Variants in TTYH2 observed in about 807,000 individuals in gnomAD.
TTYH2 encodes protein tweety homolog 2.
A neutral mutation model predicts 68.3 loss-of-function variants in TTYH2; 49 were observed. The observed-to-expected ratio is 0.72, with a 90% CI of 0.57 to 0.91. The LOEUF is 0.91. TTYH2 is among the 40% of genes least tolerant of loss of function. The probability of loss-of-function intolerance (pLI) is 0.00; values close to 1 mark genes in which losing one functional copy is unlikely to be tolerated. For synonymous variants in TTYH2, 272 were observed against 300.8 expected, an observed-to-expected ratio of 0.90 and a Z score of 0.99; for missense variants, 631 against 700.4, an observed-to-expected ratio of 0.90 and a Z score of 1.12.
chr17:74,260,299 C>T lies in TTYH2; in HGVS notation c.*90C>T, dbSNP rs1006354679. 1.1e-5 allele frequency: 15 copies of T among 1,378,024 alleles called. No individual in the cohort carries two copies. In the African/African-American group the frequency reaches 2.0e-4, roughly 18 times the overall value. 85.4% of individuals were successfully genotyped at this position (1,378,024 alleles called of 1,614,324 possible). Reference sequence around the variant, plus strand: ...GCGTTTCTTTAATAGAAACCAAAGGCATCTGGAGCCCGAGAGGCCTCCTGC... The same window carrying T: ...GCGTTTCTTTAATAGAAACCAAAGGTATCTGGAGCCCGAGAGGCCTCCTGC... On this transcript the variant is annotated 3_prime_UTR_variant, in exon 14 of 14. Coordinates refer to ENST00000269346, the MANE Select transcript of TTYH2 (RefSeq NM_032646.6).
chr17:74,218,352 A>C (rs943293514), intron 1 of TTYH2, among the ~76,000 whole-genome samples: 1 of 150,574 alleles, frequency 6.6e-6, no homozygotes, highest in Non-Finnish European at 1.5e-5. Context: ...GGTTCCCAGG[A>C]GGGTTTGGGA....
chr17:74,222,414 A>G lies in TTYH2; in HGVS notation c.130-71A>G. The G allele has an allele frequency of 6.7e-7, 1 of 1,498,970 alleles. No individual in the cohort carries two copies. The highest frequency in any genetic ancestry group is 8.9e-7 in the Non-Finnish European group (1 of 1,120,450). 92.9% of individuals were successfully genotyped at this position (1,498,970 alleles called of 1,614,324 possible). On this transcript the variant is annotated intron_variant, in intron 1 of 13. Transcript: ENST00000269346. This position sits in a 1 kb window ranked among gnomAD's most constrained non-coding sequence, Gnocchi z 5.2. Reference sequence around the variant, plus strand: ...TCAGGCAGTGGGGCACTCAGGGCCCAAGGGCAGGGCACTTCCAGAGCCCCG... The same window carrying G: ...TCAGGCAGTGGGGCACTCAGGGCCCGAGGGCAGGGCACTTCCAGAGCCCCG...
At chr17:74,256,720 C>T (rs2050696816) in intron 13 of TTYH2, among the ~76,000 whole-genome samples, 2 of 152,158 alleles carry the variant, frequency 1.3e-5, no homozygotes, top group Non-Finnish European at 2.9e-5. Context: ...GCAATCTCAG[C>T]TCACTGCATC....
rs750678856 is a variant in TTYH2, at chr17:74,250,005, G to A, written c.1000G>A (p.Val334Met). Reference sequence around the variant, plus strand: ...GGTCGCGGGGCTGCTGCAGTTTGCCGTGCCCCTCTTCTCCACTGCAGAGGT... The same window carrying A: ...GGTCGCGGGGCTGCTGCAGTTTGCCATGCCCCTCTTCTCCACTGCAGAGGT... The part of the protein sequence containing the change: ...IQVAGLLQFA[V>M]PLFSTAEEDL... Residue 334 changes from valine to methionine, a missense_variant, in exon 9 of 14, where the codon GTG (valine) becomes ATG (methionine). Transcript: ENST00000269346. The A allele has an allele frequency of 1.4e-5, 23 of 1,614,020 alleles. No individual in the cohort carries two copies. The highest frequency in any genetic ancestry group is 1.6e-4 in the Middle Eastern group (1 of 6,084).
chr17:74,219,387 C>CAAAAAAAAAAAAAAAAAAAAAA lies in TTYH2; in HGVS notation c.130-3082_130-3081insAAAAAAAAAAAAAAAAAAAAAA, dbSNP rs1031171600. On this transcript the variant is annotated intron_variant, in intron 1 of 13. Coordinates refer to ENST00000269346, the MANE Select transcript of TTYH2 (RefSeq NM_032646.6). ...CTGGCGACAGAGCAAGACTCCGTGT[C>CAAAAAAAAAAAAAAAAAAAAAA]AAAAAAAAAAAAAAAAGAATAACTT... Among the ~76,000 whole-genome samples, 61 of 88,422 alleles carry CAAAAAAAAAAAAAAAAAAAAAA rather than the reference C, an allele frequency of 6.9e-4. 1 individual carries two copies. Among genetic ancestry groups the CAAAAAAAAAAAAAAAAAAAAAA allele is most frequent in the Middle Eastern group, 6.0e-3 (1 of 168 alleles). The allele number at this position is 88,422 out of a possible 152,430, so 58.0% of individuals were successfully genotyped here. A position where few individuals can be genotyped will look rare whatever the true frequency, so the allele number is the denominator to read the frequency against.
At chr17:74,245,768 G>A (rs566900899) in intron 6 of TTYH2, among the ~76,000 whole-genome samples, 1 of 152,314 alleles carries the variant, frequency 6.6e-6, no homozygotes, top group East Asian at 1.9e-4. Flanking sequence ...GGGCGGGGAG[G>A]GCGGCCGGCT....
In TTYH2 at chr17:74,252,339, T is replaced by G. The variant is rs146953620; in HGVS notation, c.1222T>G (p.Cys408Gly). 9.9e-6 allele frequency: 16 copies of G among 1,613,962 alleles called. No individual in the cohort carries two copies. In the African/African-American group the frequency reaches 1.1e-4, roughly 11 times the overall value. The change falls in exon 11 of 14, where the codon TGT becomes GGT. Residue 408 changes from cysteine to glycine, a missense_variant. Physicochemically the swap from Cys to Gly is radical, Grantham distance 159 (BLOSUM62 -3). Transcript: ENST00000269346. ...LAALAFSTMICAGPRAWKHFT... is the reference protein window; with the variant it reads ...LAALAFSTMIGAGPRAWKHFT... ...CGCCCTCGCCTTCTCCACCATGATC[T>G]GTGCAGGGCCAAGGGCCTGGAAGCA...
intron 13 of TTYH2, among the ~76,000 whole-genome samples, chr17:74,258,419 C>T (rs1415381586): frequency 6.6e-6 from 1 of 151,990 alleles, no homozygotes; most frequent in Non-Finnish European, 1.5e-5. Flanking sequence ...GCCCCCACCA[C>T]CACGCCCAGC....
intron 6 of TTYH2, among the ~76,000 whole-genome samples, chr17:74,246,560 G>C (rs935270125): frequency 6.6e-6 from 1 of 152,064 alleles, no homozygotes; most frequent in East Asian, 1.9e-4. Flanking sequence ...CTGCCTGCAG[G>C]CTCAGCCATC....
intron 6 of TTYH2, among the ~76,000 whole-genome samples, chr17:74,246,681 C>T (rs532991677): frequency 1.5e-4 from 23 of 152,236 alleles, no homozygotes; most frequent in Non-Finnish European, 2.6e-4. Context: ...GTAATGCACA[C>T]GTGTATTAGT....
chr17:74,222,692 G>T lies in TTYH2; in HGVS notation c.302+35G>T. On this transcript the variant is annotated intron_variant, in intron 2 of 13. Coordinates refer to ENST00000269346, the MANE Select transcript of TTYH2 (RefSeq NM_032646.6). This position sits in a 1 kb window ranked among gnomAD's most constrained non-coding sequence, Gnocchi z 5.2. ...CCTGGACGCTGGGCTTGGGGTGTGT[G>T]ACTCAGTCTGCAAGGGGCCAGGGAC... is the stretch of plus-strand genomic sequence containing the variant. 2 of 1,579,550 alleles carry T rather than the reference G, an allele frequency of 1.3e-6. No individual in the cohort carries two copies. The highest frequency in any genetic ancestry group is 1.3e-5 in the African/African-American group (1 of 74,518).
intron 1 of TTYH2, among the ~76,000 whole-genome samples, chr17:74,216,024 A>G (rs2050219129): frequency 6.6e-6 from 1 of 152,194 alleles, no homozygotes; most frequent in Non-Finnish European, 1.5e-5. Context: ...GACCACGGGT[A>G]GGTGTCTTAA....
Position 74,260,111 on chromosome 17 carries a change from T to C in TTYH2, c.1525-18T>C. The C allele has an allele frequency of 1.2e-6, 2 of 1,611,952 alleles. No individual in the cohort carries two copies. The highest frequency in any genetic ancestry group is 1.7e-6 in the Non-Finnish European group (2 of 1,178,394). On this transcript the variant is annotated intron_variant, in intron 13 of 13. Transcript: ENST00000269346. ...GGCTGACTCAGCTCTGACCATCCCCTCTCTTCTCTCTTGGCAGTACTCTCC... is the reference window on the plus strand; with the variant it reads ...GGCTGACTCAGCTCTGACCATCCCCCCTCTTCTCTCTTGGCAGTACTCTCC...
chr17:74,248,902 C>T (rs118094513), intron 6 of TTYH2, 109 bp from the exon 7 acceptor site: 59,093 of 1,569,840 alleles, frequency 0.038, 1,338 homozygotes, highest in Middle Eastern at 0.076. Context: ...TCCTTTGCCA[C>T]CTGGGAGGGA....
rs989977483 is a variant in TTYH2, at chr17:74,214,266, G to A, written c.129+550G>A. On this transcript the variant is annotated intron_variant, in intron 1 of 13. Coordinates refer to ENST00000269346, the MANE Select transcript of TTYH2 (RefSeq NM_032646.6). This position sits in a 1 kb window ranked among gnomAD's most constrained non-coding sequence, Gnocchi z 4.6. ...GCAGGGTGGGAGTCTCAGCTGGAAG[G>A]CTGCAGGGCTTGGGGAAGCGGTGTG... Among the ~76,000 whole-genome samples the A allele has an allele frequency of 2.0e-5, 3 of 152,128 alleles. No homozygotes were observed. Among genetic ancestry groups the A allele is most frequent in the Non-Finnish European group, 4.4e-5 (3 of 68,010 alleles).
rs567653867 is a variant in TTYH2, at chr17:74,231,072, G to A, written c.414+73G>A. On this transcript the variant is annotated intron_variant, in intron 3 of 13. Coordinates refer to ENST00000269346, the MANE Select transcript of TTYH2 (RefSeq NM_032646.6). Reference sequence around the variant, plus strand: ...CAGCGTGGTCAGAGCAAGGGCCCCCGTCAGATCCCAGCTAGCTCAGCTGCA... The same window carrying A: ...CAGCGTGGTCAGAGCAAGGGCCCCCATCAGATCCCAGCTAGCTCAGCTGCA... 6.5e-5 allele frequency: 90 copies of A among 1,379,634 alleles called. 1 individual carries two copies. The African/African-American group carries it at 1.0e-3, about 16-fold the overall frequency. 85.5% of individuals were successfully genotyped at this position (1,379,634 alleles called of 1,614,324 possible).
chr17:74,258,988 G>T (rs1008904610), intron 13 of TTYH2, among the ~76,000 whole-genome samples: 11 of 152,078 alleles, frequency 7.2e-5, no homozygotes, highest in African/African-American at 2.4e-4. Context: ...AAGCTTGTTA[G>T]AAGTGCAGAA....
chr17:74,232,831 C>T lies in TTYH2; in HGVS notation c.414+1832C>T, dbSNP rs1472030817. Among the ~76,000 whole-genome samples the T allele has an allele frequency of 6.6e-6, 1 of 152,220 alleles. No homozygotes were observed. Among genetic ancestry groups the T allele is most frequent in the Admixed American group, 6.5e-5 (1 of 15,288 alleles). ...GGAAAACATCAAGTCCTAGAAGTCC[C>T]TATCCCACAGGACGAGAGCTGCCAG... On this transcript the variant is annotated intron_variant, in intron 3 of 13. Coordinates refer to ENST00000269346, the MANE Select transcript of TTYH2 (RefSeq NM_032646.6). This position sits in a 1 kb window ranked among gnomAD's most constrained non-coding sequence, Gnocchi z 5.1.
chr17:74,230,852 A>G (rs956780181), intron 2 of TTYH2, 36 bp from the exon 3 acceptor site: 1 of 1,604,608 alleles, frequency 6.2e-7, no homozygotes, highest in African/African-American at 1.3e-5. Context: ...TCCTCTGTGT[A>G]TCACCTCTAA....
Sources: allele counts gnomAD v4.1 joint callset (sites outside exome capture counted in the v4.1 genomes callset), GRCh38; gene constraint gnomAD v4.1.1; non-coding constraint Gnocchi (gnomAD v3.1); transcripts MANE v1.5; gene names NCBI Gene and HGNC (gene_info 2026-07-23, HGNC 2026-07-21).